The following ZNF676 variants were observed in gnomAD, a reference collection of about 807,000 sequenced individuals.
ZNF676 encodes the protein zinc finger protein 676.
A neutral mutation model predicts 6.0 loss-of-function variants in ZNF676; 4 were observed. That is an observed-to-expected ratio of 0.67 (90% confidence interval 0.33 to 1.53). The LOEUF (loss-of-function observed/expected upper bound fraction) is 1.53. ZNF676 is among the 40% of genes most tolerant of loss of function. The pLI, the probability that ZNF676 is intolerant of heterozygous loss-of-function variation, is 0.06. For synonymous variants in ZNF676, 198 were observed against 223.1 expected (o/e 0.89, Z 1.00); for missense variants, 644 against 679.7 (o/e 0.95, Z 0.58).
the ZNF676 span, among the ~76,000 whole-genome samples, chr19:22,229,743 A>G: frequency 2.6e-5 from 4 of 152,350 alleles, no homozygotes; most frequent in South Asian, 8.3e-4. Context: ...CAAACATATG[A>G]AAAAAAGCTC....
At chr19:22,234,891 C>A in the ZNF676 span, among the ~76,000 whole-genome samples, 2 of 150,212 alleles carry the variant, frequency 1.3e-5, no homozygotes, top group African/African-American at 4.9e-5. Flanking sequence ...CAAGTTAATG[C>A]CATTGCACTC....
chr19:22,244,690 C>A, the ZNF676 span: 1 of 152,126 alleles, frequency 6.6e-6, no homozygotes, highest in African/African-American at 2.4e-5. Context: ...GTTACTGGGC[C>A]CAGCGATATG....
chr19:22,196,913 A>T lies in ZNF676; in HGVS notation c.-280T>A, dbSNP rs1266399843. 8.2e-6 allele frequency: 5 copies of T among 606,638 alleles called. No homozygotes were observed. The highest frequency in any genetic ancestry group is 1.1e-5 in the Non-Finnish European group (4 of 353,208). 37.6% of individuals were successfully genotyped at this position (606,638 alleles called of 1,614,324 possible). Reference sequence around the variant, plus strand: ...ATGTATTCTCTAACTCTGAGAAAAGAAAGTGGTATAAGATCCATAACATCT... The same window carrying T: ...ATGTATTCTCTAACTCTGAGAAAAGTAAGTGGTATAAGATCCATAACATCT... On this transcript the variant is annotated 5_prime_UTR_variant, in exon 1 of 3. Transcript: ENST00000397121.
chr19:22,215,040 CAAAAAAAA>C (rs1159376851), intron 1 of ZNF676, among the ~76,000 whole-genome samples: 1 of 51,456 alleles, frequency 1.9e-5, no homozygotes, highest in Non-Finnish European at 3.6e-5. Flanking sequence ...GACTCCATCT[CAAAAAAAA>C]AAAAAAAAAA....
chr19:22,259,984 T>C, the ZNF676 span, among the ~76,000 whole-genome samples: 1 of 151,974 alleles, frequency 6.6e-6, no homozygotes, highest in Non-Finnish European at 1.5e-5. Context: ...TCCTGTGATA[T>C]GCCGCAATCC....
At chr19:22,202,180 T>A (rs1409137970) in intron 1 of ZNF676, among the ~76,000 whole-genome samples, 1 of 152,180 alleles carries the variant, frequency 6.6e-6, no homozygotes, top group Non-Finnish European at 1.5e-5. Context: ...AGAACTGGAT[T>A]CTCACGTCTA....
chr19:22,243,794 C>T, the ZNF676 span: 1 of 152,344 alleles, frequency 6.6e-6, no homozygotes, highest in East Asian at 1.9e-4. Flanking sequence ...GAGTCACCAC[C>T]TTAATTGTGG....
At chr19:22,245,065 T>A in the ZNF676 span, 1 of 152,120 alleles carries the variant, frequency 6.6e-6, no homozygotes, top group Non-Finnish European at 1.5e-5. Context: ...TGTGGAACAG[T>A]GGTACATCAC....
chr19:22,227,429 C>T, the ZNF676 span, among the ~76,000 whole-genome samples: 16 of 152,192 alleles, frequency 1.1e-4, no homozygotes, highest in African/African-American at 3.4e-4. Context: ...AAATCAACAT[C>T]CTAAAATCAC....
chr19:22,222,486 A>T, the ZNF676 span, among the ~76,000 whole-genome samples: 1 of 152,102 alleles, frequency 6.6e-6, no homozygotes, highest in Non-Finnish European at 1.5e-5. Flanking sequence ...TTTGTCTTCA[A>T]TTTCAATGGC....
At chr19:22,190,855 T>G (rs1273870929) in intron 2 of ZNF676, among the ~76,000 whole-genome samples, 5 of 151,658 alleles carry the variant, frequency 3.3e-5, no homozygotes, top group Non-Finnish European at 1.5e-5. Flanking sequence ...AAGATAAATC[T>G]TGATAACATT....
intron 1 of ZNF676, among the ~76,000 whole-genome samples, chr19:22,212,533 C>T (rs1193706691): frequency 6.6e-6 from 1 of 151,636 alleles, no homozygotes; most frequent in Non-Finnish European, 1.5e-5. Flanking sequence ...GGTGAACCCC[C>T]ATCTCTACTA....
At chr19:22,192,753 T>C (rs2023924580) in intron 2 of ZNF676, among the ~76,000 whole-genome samples, 1 of 152,102 alleles carries the variant, frequency 6.6e-6, no homozygotes, top group South Asian at 2.1e-4. Flanking sequence ...CAGATTGCAC[T>C]CTCTTGTATG....
At chr19:22,254,078 G>T in the ZNF676 span, among the ~76,000 whole-genome samples, 1 of 152,220 alleles carries the variant, frequency 6.6e-6, no homozygotes, top group Admixed American at 6.5e-5. Flanking sequence ...GGTAGGAAGT[G>T]AGCAGCAGAT....
chr19:22,243,412 C>G, the ZNF676 span: 2 of 152,058 alleles, frequency 1.3e-5, no homozygotes, highest in East Asian at 3.9e-4. Context: ...TGTCAAAATC[C>G]TTCTTTTGAG....
chr19:22,221,757 AAAAC>A, the ZNF676 span, among the ~76,000 whole-genome samples: 1 of 152,122 alleles, frequency 6.6e-6, no homozygotes, highest in South Asian at 2.1e-4. Context: ...ACAAAAAAAA[AAAAC>A]ATCAGACTTG....
intron 2 of ZNF676, among the ~76,000 whole-genome samples, chr19:22,186,663 G>A (rs2023844557): frequency 6.6e-6 from 1 of 152,130 alleles, no homozygotes; most frequent in African/African-American, 2.4e-5. Flanking sequence ...ACACATATAG[G>A]CTCAAAATAA....
chr19:22,206,265 A>G (rs1330016384), intron 1 of ZNF676, among the ~76,000 whole-genome samples: 3 of 151,818 alleles, frequency 2.0e-5, no homozygotes, highest in African/African-American at 7.3e-5. Flanking sequence ...AAAAGAAGAA[A>G]CTCCTCCCCA....
At chr19:22,230,454 A>G in the ZNF676 span, among the ~76,000 whole-genome samples, 1 of 152,194 alleles carries the variant, frequency 6.6e-6, no homozygotes, top group South Asian at 2.1e-4. Context: ...CTGTGTAACA[A>G]ACCTGCACAT....
Sources: allele counts gnomAD v4.1 joint callset (sites outside exome capture counted in the v4.1 genomes callset), GRCh38; gene constraint gnomAD v4.1.1; transcripts MANE v1.5; gene names NCBI Gene and HGNC (gene_info 2026-07-23, HGNC 2026-07-21).